Variants in MDH1 observed in about 807,000 individuals in gnomAD.
The protein encoded by MDH1 is malate dehydrogenase, cytoplasmic.
MDH1 carries 15 observed loss-of-function variants against 38.7 expected under a neutral mutation model. That is an observed-to-expected ratio of 0.39 (90% confidence interval 0.26 to 0.60). MDH1 has a LOEUF of 0.60. Among genes scored for constraint, MDH1 ranks in the 20% least tolerant of loss-of-function variants. The probability of loss-of-function intolerance (pLI) is 0.56; values close to 1 mark genes in which losing one functional copy is unlikely to be tolerated. For synonymous variants in MDH1, 144 were observed against 143.6 expected, an observed-to-expected ratio of 1.00 and a Z score of -0.02; for missense variants, 368 against 405.2, an observed-to-expected ratio of 0.91 and a Z score of 0.79.
chr2:63,596,483 T>C (rs1170819214), intron 3 of MDH1, among the ~76,000 whole-genome samples: 1 of 152,208 alleles, frequency 6.6e-6, no homozygotes, highest in African/African-American at 2.4e-5. Flanking sequence ...CTCTGCTGAG[T>C]TCCCTGTGCT....
At chr2:63,589,345 T>C in intron 1 of MDH1, 1 of 1,550,648 alleles carries the variant, frequency 6.4e-7, no homozygotes, top group Non-Finnish European at 8.7e-7. Context: ...GCTGCAGCTA[T>C]TTTCCAAAGG....
chr2:63,592,698 G>A (rs1232082339), intron 1 of MDH1, among the ~76,000 whole-genome samples: 4 of 152,182 alleles, frequency 2.6e-5, no homozygotes, highest in South Asian at 4.1e-4. Flanking sequence ...TTTAAAGCAC[G>A]TTACATATGT....
At chr2:63,596,091 A>C (rs1709307269) in intron 3 of MDH1, among the ~76,000 whole-genome samples, 1 of 152,192 alleles carries the variant, frequency 6.6e-6, no homozygotes, top group Non-Finnish European at 1.5e-5. Context: ...GCCTTTGCAA[A>C]TCATTGAACT....
intron 1 of MDH1, 42 bp from the exon 2 acceptor site, chr2:63,594,446 A>G: frequency 1.5e-6 from 2 of 1,290,696 alleles, no homozygotes; most frequent in Non-Finnish European, 2.3e-6. Context: ...TTTTTAAGGT[A>G]CAGTAGTACT....
intron 1 of MDH1, chr2:63,589,369 T>G (rs1457452135): frequency 1.3e-6 from 2 of 1,550,608 alleles, no homozygotes; most frequent in South Asian, 2.4e-5. Context: ...TTACGGTGTT[T>G]GATAAGGACG....
rs543252554 is a variant in MDH1, at chr2:63,599,238, C to T, written c.444C>T (p.Pro148=). 1.9e-5 allele frequency: 31 copies of T among 1,613,714 alleles called. No individual in the cohort carries two copies. In the South Asian group the frequency reaches 3.2e-4, roughly 17 times the overall value. Residue 148 remains proline, a synonymous_variant, in exon 5 of 9, where the codon CCC becomes CCT. Transcript: ENST00000233114. ...LTASKSAPSI[P]KENFSCLTRL... ...CTTCCAAGTCAGCTCCATCCATCCC[C>T]AAGGAGAACTTCAGTTGCTTGACTC... is the stretch of plus-strand genomic sequence containing the variant.
chr2:63,602,934 CTTTTTTTTTTTTTTTTTTTTTT>C (rs370479356), intron 5 of MDH1, among the ~76,000 whole-genome samples: 9 of 131,538 alleles, frequency 6.8e-5, no homozygotes, highest in South Asian at 4.8e-4. Flanking sequence ...TTTAACCGTT[CTTTTTTTTTTTTTTTTTTTTTT>C]TTTTTTTTTT....
At chr2:63,595,940 G>GCTAT (rs1289524753) in intron 3 of MDH1, among the ~76,000 whole-genome samples, 1 of 152,122 alleles carries the variant, frequency 6.6e-6, no homozygotes, top group African/African-American at 2.4e-5. Flanking sequence ...GTCCTTCATA[G>GCTAT]CTATACATTG....
chr2:63,605,263 A>G lies in MDH1; in HGVS notation c.676-17A>G, dbSNP rs773992452. On this transcript the variant is annotated splice_polypyrimidine_tract_variant and intron_variant, in intron 6 of 8. Transcript: ENST00000233114. ...ATGACCAAGTAATACTGCTGCCTTC[A>G]CCTGCCCCCTTCCCAGACTGTGCAG... 6.4e-7 allele frequency: 1 copy of G among 1,555,306 alleles called. No homozygotes were observed. The highest frequency in any genetic ancestry group is 2.2e-5 in the East Asian group (1 of 44,546).
rs191017895 is a variant in MDH1, at chr2:63,591,849, G to A, written c.4-2639G>A. On this transcript the variant is annotated intron_variant, in intron 1 of 8. Coordinates refer to ENST00000233114, the MANE Select transcript of MDH1 (RefSeq NM_005917.4). ...AAATACTCACTACGTACTGTTCTTA[G>A]TGCTTTGTGTGTTAACTCTTTTAAT... 1.5e-3 allele frequency among the ~76,000 whole-genome samples: 232 copies of A among 152,296 alleles called. 1 individual carries two copies. The highest frequency in any genetic ancestry group is 4.9e-3 in the African/African-American group (205 of 41,552).
In MDH1 at chr2:63,597,557, G is replaced by A. The variant is rs754634638; in HGVS notation, c.358G>A (p.Ala120Thr). 6.3e-6 allele frequency: 9 copies of A among 1,419,998 alleles called. No homozygotes were observed. Among genetic ancestry groups the A allele is most frequent in the East Asian group, 2.7e-5 (1 of 37,608 alleles). 88.0% of individuals were successfully genotyped at this position (1,419,998 alleles called of 1,614,324 possible). Residue 120 changes from alanine to threonine, a missense_variant, in exon 4 of 9, where the codon GCC (alanine) becomes ACC (threonine). Physicochemically the swap from Ala to Thr is moderately conservative, Grantham distance 58 (BLOSUM62 0). Coordinates refer to ENST00000233114, the MANE Select transcript of MDH1 (RefSeq NM_005917.4). ...CCAGGGTGCAGCCTTAGATAAATACGCCAAGAAGTCAGTTAAGGTGACCAA... is the reference window on the plus strand; with the variant it reads ...CCAGGGTGCAGCCTTAGATAAATACACCAAGAAGTCAGTTAAGGTGACCAA... ...KSQGAALDKYAKKSVKVIVVG... is the reference protein window; with the variant it reads ...KSQGAALDKYTKKSVKVIVVG...
intron 8 of MDH1, among the ~76,000 whole-genome samples, chr2:63,606,366 C>T (rs888778250): frequency 2.0e-5 from 3 of 152,030 alleles, no homozygotes; most frequent in Admixed American, 2.0e-4. Context: ...AGAACGGGAC[C>T]CTGTCCCCCA....
intron 4 of MDH1, among the ~76,000 whole-genome samples, chr2:63,598,639 C>T (rs757707147): frequency 1.4e-4 from 22 of 152,124 alleles, no homozygotes; most frequent in Non-Finnish European, 2.1e-4. Flanking sequence ...GCTTTCTGTG[C>T]ACTTCATTTT....
rs780628969 is a variant in MDH1 at position 63,595,484 on chromosome 2, T to C, written c.164T>C (p.Met55Thr). Residue 55 changes from methionine (M) to threonine (T), a missense_variant, in exon 3 of 9, where the codon ATG (methionine) becomes ACG (threonine). By Grantham distance (81) the Met-to-Thr change is moderately conservative (BLOSUM62 -1). Transcript: ENST00000233114. ...ATGGGTGTCCTGGACGGTGTCCTAA[T>C]GGAACTGCAAGACTGTGCCCTTCCC... ...PMMGVLDGVL[M>T]ELQDCALPLL... is the part of the protein sequence containing the mutation. The C allele has an allele frequency of 6.2e-7, 1 of 1,613,180 alleles. No individual in the cohort carries two copies. Among genetic ancestry groups the C allele is most frequent in the East Asian group, 2.2e-5 (1 of 44,870 alleles).
intron 5 of MDH1, among the ~76,000 whole-genome samples, chr2:63,602,603 G>A (rs1222049308): frequency 6.6e-6 from 1 of 151,972 alleles, no homozygotes; most frequent in Non-Finnish European, 1.5e-5. Flanking sequence ...TTAATTACAA[G>A]TGTAGATTCC....
intron 1 of MDH1, chr2:63,589,470 A>T: frequency 7.5e-7 from 1 of 1,340,546 alleles, no homozygotes; most frequent in Non-Finnish European, 1.0e-6. Context: ...TGTCACAGGG[A>T]CCTTGAAAGC....
At position 63,595,403 on chromosome 2, in the gene MDH1, C is replaced by G. The variant is rs1709289347; in HGVS notation, c.103-20C>G. 1.4e-6 allele frequency: 2 copies of G among 1,449,008 alleles called. No homozygotes were observed. The highest frequency in any genetic ancestry group is 2.8e-5 in the African/African-American group (2 of 71,666). The allele number at this position is 1,449,008 out of a possible 1,614,324, so 89.8% of individuals were successfully genotyped here. A position where few individuals can be genotyped will look rare whatever the true frequency, so the allele number is the denominator to read the frequency against. ...ATGAAATAGCCTACACTAACAGATG[C>G]TGTCCTTGCTATTTGGTAGCCTATA... On this transcript the variant is annotated intron_variant, in intron 2 of 8. Coordinates refer to ENST00000233114, the MANE Select transcript of MDH1 (RefSeq NM_005917.4).
Position 63,588,968 on chromosome 2 carries a change from A to T in MDH1, c.-76A>T, listed in dbSNP as rs990800785. Reference sequence around the variant, plus strand: ...TAACACCGCTCGCCCTCTCCGAGTCAGTTCCGCGGTAGAGGTGACCTGACT... The same window carrying T: ...TAACACCGCTCGCCCTCTCCGAGTCTGTTCCGCGGTAGAGGTGACCTGACT... On this transcript the variant is annotated 5_prime_UTR_variant, in exon 1 of 9. Transcript: ENST00000233114. The T allele has an allele frequency of 3.1e-6, 5 of 1,605,962 alleles. No individual in the cohort carries two copies. In the Admixed American group the frequency reaches 8.3e-5, roughly 27 times the overall value.
intron 4 of MDH1, among the ~76,000 whole-genome samples, chr2:63,598,421 G>A (rs930331636): frequency 1.9e-4 from 29 of 152,174 alleles, no homozygotes; most frequent in African/African-American, 2.7e-4. Context: ...GAGCCACCAC[G>A]CCCAGCCAAA....
Sources: gnomAD v4.1 joint callset for allele counts (sites outside exome capture counted in the v4.1 genomes callset) on GRCh38, gnomAD v4.1.1 for gene constraint, MANE v1.5 for transcripts, NCBI Gene and HGNC (gene_info 2026-07-23, HGNC 2026-07-21) for gene names.